The following TP53BP1 variants were observed in gnomAD, a reference collection of about 807,000 sequenced individuals.
TP53BP1 encodes the protein tumor protein p53 binding protein 1.
TP53BP1 carries 61 observed loss-of-function variants against 200.8 expected under a neutral mutation model. That is an observed-to-expected ratio of 0.30 (90% CI 0.25 to 0.38). The LOEUF (loss-of-function observed/expected upper bound fraction) is 0.38. Ranked by LOEUF, TP53BP1 falls within the 10% of genes least tolerant of loss-of-function variation. TP53BP1 has a pLI of 1.00. For missense variants in TP53BP1, 2,144 were observed against 2,371.9 expected (o/e 0.90, Z 2.00); for synonymous variants, 822 against 844.3 (o/e 0.97, Z 0.46).
In TP53BP1 at chr15:43,456,085, A is replaced by C. The variant is rs1354369515; in HGVS notation, c.2523T>G (p.Pro841=). 3.1e-6 allele frequency: 5 copies of C among 1,614,206 alleles called. No individual in the cohort carries two copies. In the South Asian group the frequency reaches 5.5e-5, roughly 18 times the overall value. Residue 841 remains proline (P), a synonymous_variant, in exon 12 of 28, where the codon CCT becomes CCG. Transcript: ENST00000382044. ...TTAAAGGATCATCTGCTCTCACTAAAGGTAAGGAAGGCTGTGAAGAATCTT... is the reference window on the plus strand; with the variant it reads ...TTAAAGGATCATCTGCTCTCACTAACGGTAAGGAAGGCTGTGAAGAATCTT... The part of the protein sequence containing the change: ...VEQDSSQPSL[P]LVRADDPLRL...
Position 43,404,775 on chromosome 15 carries a change from G to T in TP53BP1, c.*2608C>A. ...TAAAAAACCTGACAGTGAGATAGGTGTTAAGTCCTTTGCTAGGTTATGTAT... is the reference window on the plus strand; with the variant it reads ...TAAAAAACCTGACAGTGAGATAGGTTTTAAGTCCTTTGCTAGGTTATGTAT... On this transcript the variant is annotated 3_prime_UTR_variant, in exon 28 of 28. Transcript: ENST00000382044. 1.8e-6 allele frequency: 1 copy of T among 564,360 alleles called. No individual in the cohort carries two copies. Among genetic ancestry groups the T allele is most frequent in the Non-Finnish European group, 3.1e-6 (1 of 326,540 alleles). The allele number at this position is 564,360 out of a possible 1,614,324, so 35.0% of individuals were successfully genotyped here.
chr15:43,434,516 G>A (rs1278282142), intron 16 of TP53BP1, among the ~76,000 whole-genome samples: 1 of 152,124 alleles, frequency 6.6e-6, no homozygotes, highest in Non-Finnish European at 1.5e-5. Flanking sequence ...TCCACCCCAA[G>A]ACTTACATTA....
intron 24 of TP53BP1, among the ~76,000 whole-genome samples, chr15:43,410,171 G>A (rs1370211934): frequency 6.6e-6 from 1 of 152,170 alleles, no homozygotes; most frequent in Non-Finnish European, 1.5e-5. Context: ...GAGATGAATA[G>A]CTGATGAACA....
In TP53BP1 at chr15:43,441,580, G is replaced by C. The variant is rs1490858697; in HGVS notation, c.3044C>G (p.Pro1015Arg). The stretch of plus-strand genomic sequence containing the variant: ...TCCATTTTTTCTTTCACCAGTTGCA[G>C]GCTCTGAATAAAAACAAAACCAAGG... ...EESLQFNLEK[P>R]ATGERKNGST... Residue 1015 changes from proline (P) to arginine (R), a missense_variant, in exon 15 of 28, where the codon CCT becomes CGT. Physicochemically the swap from Pro to Arg is moderately radical, Grantham distance 103 (BLOSUM62 -2). This residue lies in a region of TP53BP1 where 1,700 missense variants were observed against 1,710.3 expected (regional missense o/e 0.99). Transcript: ENST00000382044. 2 of 1,611,526 alleles carry C rather than the reference G, an allele frequency of 1.2e-6. No homozygotes were observed. Among genetic ancestry groups the C allele is most frequent in the East Asian group, 4.5e-5 (2 of 44,834 alleles).
chr15:43,425,922 G>A (rs567576333), intron 18 of TP53BP1, among the ~76,000 whole-genome samples: 108 of 151,992 alleles, frequency 7.1e-4, no homozygotes, highest in African/African-American at 1.8e-3. Context: ...AAAATTAGCC[G>A]GGCGCGGTGG....
chr15:43,474,105 T>C (rs526083), intron 10 of TP53BP1, among the ~76,000 whole-genome samples: 42,982 of 152,156 alleles, frequency 0.28, 10,288 homozygotes, highest in African/African-American at 0.65. Context: ...ACACCCTCCA[T>C]AGCCGCTGGC....
At chr15:43,454,373 T>G (rs1439618931) in intron 12 of TP53BP1, among the ~76,000 whole-genome samples, 1 of 132,198 alleles carries the variant, frequency 7.6e-6, no homozygotes, top group Non-Finnish European at 1.5e-5. Context: ...ATAACTCTTT[T>G]TTTTTTTGAG....
chr15:43,487,735 T>A (rs1167339193), intron 4 of TP53BP1, among the ~76,000 whole-genome samples: 1 of 148,798 alleles, frequency 6.7e-6, no homozygotes, highest in Admixed American at 6.8e-5. Context: ...GAGGTTGCAG[T>A]GAGCTGAGAT....
intron 22 of TP53BP1, 127 bp downstream of exon 22, chr15:43,416,098 A>G (rs1001537699): frequency 2.7e-5 from 24 of 893,094 alleles, no homozygotes; most frequent in East Asian, 2.3e-4. Flanking sequence ...CAGCTCATCC[A>G]CCATCTGAGA....
intron 1 of TP53BP1, among the ~76,000 whole-genome samples, chr15:43,508,354 C>T (rs1011741086): frequency 6.6e-6 from 1 of 151,862 alleles, no homozygotes; most frequent in Non-Finnish European, 1.5e-5. Flanking sequence ...AGCAAGACTC[C>T]GTCTCAAAAA....
Position 43,406,878 on chromosome 15 carries a change from C to T in TP53BP1, c.*505G>A, listed in dbSNP as rs2044911014. 1 of 288,330 alleles carries T rather than the reference C, an allele frequency of 3.5e-6. No individual in the cohort carries two copies. Among genetic ancestry groups the T allele is most frequent in the Non-Finnish European group, 6.8e-6 (1 of 147,136 alleles). 17.9% of individuals were successfully genotyped at this position (288,330 alleles called of 1,614,324 possible). A position where few individuals can be genotyped will look rare whatever the true frequency, so the allele number is the denominator to read the frequency against. ...AGCTCTAAGAGTTGGGGAGTACCCA[C>T]AGGTGAGCTGTGATCTCAGCTCAGA... On this transcript the variant is annotated 3_prime_UTR_variant, in exon 28 of 28. Coordinates refer to ENST00000382044, the MANE Select transcript of TP53BP1 (RefSeq NM_001141980.3).
intron 16 of TP53BP1, among the ~76,000 whole-genome samples, chr15:43,434,184 G>C (rs1303035636): frequency 6.6e-6 from 1 of 152,120 alleles, no homozygotes; most frequent in Non-Finnish European, 1.5e-5. Flanking sequence ...ACCACCAGGA[G>C]ACACCTACCA....
At chr15:43,502,702 G>T (rs536638510) in intron 1 of TP53BP1, among the ~76,000 whole-genome samples, 2 of 150,352 alleles carry the variant, frequency 1.3e-5, no homozygotes, top group African/African-American at 2.5e-5. Context: ...CTCATGATCT[G>T]CCCACCTTGG....
chr15:43,433,772 A>G (rs891609520), intron 16 of TP53BP1, among the ~76,000 whole-genome samples: 2 of 152,232 alleles, frequency 1.3e-5, no homozygotes, highest in African/African-American at 2.4e-5. Context: ...AACTGTAGAT[A>G]AACTCAGAAG....
Position 43,446,505 on chromosome 15 carries a change from C to A in TP53BP1, c.2922G>T (p.Gly974=). 1 of 1,614,128 alleles carries A rather than the reference C, an allele frequency of 6.2e-7. No homozygotes were observed. ...SMVETHDPIL[G]SGKGDSGAAP... ...CAGCCCCAGAATCCCCTTTTCCACTCCCAAGTATGGGATCATGGGTCTCCA... is the reference window on the plus strand; with the variant it reads ...CAGCCCCAGAATCCCCTTTTCCACTACCAAGTATGGGATCATGGGTCTCCA... The change falls in exon 14 of 28, where the codon GGG becomes GGT. Residue 974 remains glycine, a synonymous_variant. Coordinates refer to ENST00000382044, the MANE Select transcript of TP53BP1 (RefSeq NM_001141980.3).
chr15:43,452,369 C>G (rs2046190975), intron 12 of TP53BP1, among the ~76,000 whole-genome samples: 1 of 152,012 alleles, frequency 6.6e-6, no homozygotes, highest in East Asian at 1.9e-4. Flanking sequence ...AGTTCGAGAT[C>G]AGCCTGGGCA....
intron 21 of TP53BP1, 21 bp downstream of exon 21, chr15:43,420,284 A>G (rs769420230): frequency 2.5e-6 from 4 of 1,604,934 alleles, no homozygotes; most frequent in African/African-American, 1.3e-5. Context: ...AAATCTCTAC[A>G]AACTCTGCTT....
At position 43,456,832 on chromosome 15, in the gene TP53BP1, C is replaced by A; in HGVS notation, c.1776G>T (p.Lys592Asn). Residue 592 changes from lysine to asparagine, a missense_variant, in exon 12 of 28, where the codon AAG becomes AAT. This residue lies in a region of TP53BP1 where 1,700 missense variants were observed against 1,710.3 expected (regional missense o/e 0.99). Coordinates refer to ENST00000382044, the MANE Select transcript of TP53BP1 (RefSeq NM_001141980.3). ...VQLSQNDDKTKGDDTDTRDDI... is the reference protein window; with the variant it reads ...VQLSQNDDKTNGDDTDTRDDI... ...CATCCCTGGTGTCTGTATCATCTCC[C>A]TTTGTTTTGTCATCATTCTGACTCA... 1 of 1,613,974 alleles carries A rather than the reference C, an allele frequency of 6.2e-7. No individual in the cohort carries two copies.
intron 5 of TP53BP1, 84 bp downstream of exon 5, chr15:43,480,811 A>G (rs1327879984): frequency 7.6e-6 from 11 of 1,454,824 alleles, no homozygotes; most frequent in Non-Finnish European, 9.4e-6. Flanking sequence ...GCAACCTAAT[A>G]AAGAGGAGAA....
Sources: allele counts gnomAD v4.1 joint callset (sites outside exome capture counted in the v4.1 genomes callset), GRCh38; gene constraint gnomAD v4.1.1; regional missense constraint gnomAD v4.1.1; transcripts MANE v1.5; gene names NCBI Gene and HGNC (gene_info 2026-07-23, HGNC 2026-07-21).